Variants in CDKL3 observed in about 807,000 individuals in gnomAD.
CDKL3 encodes the protein cyclin-dependent kinase-like 3.
A neutral mutation model predicts 69.3 loss-of-function variants in CDKL3; 65 were observed. The ratio of observed to expected loss-of-function variants is 0.94; its 90% CI spans 0.77 to 1.15. The LOEUF (loss-of-function observed/expected upper bound fraction) is 1.15, where lower values mean the gene tolerates loss of function less well. CDKL3 is among the 50% of genes most tolerant of loss of function. CDKL3 has a pLI of 0.00. For missense variants in CDKL3, 652 were observed against 689.2 expected (o/e 0.95, Z 0.61); for synonymous variants, 202 against 221.6 (o/e 0.91, Z 0.79).
At chr5:134,326,109 G>A (rs1157513349) in intron 4 of CDKL3, among the ~76,000 whole-genome samples, 1 of 151,910 alleles carries the variant, frequency 6.6e-6, no homozygotes, top group Non-Finnish European at 1.5e-5. Context: ...TCCACAGAAT[G>A]CAATTTCTAT....
chr5:134,311,522 C>G (rs962236290), intron 7 of CDKL3, among the ~76,000 whole-genome samples: 3 of 150,954 alleles, frequency 2.0e-5, no homozygotes, highest in Non-Finnish European at 4.4e-5. Flanking sequence ...AAAAAGACAA[C>G]AAGCACTGCA....
rs1312304536 is a variant in CDKL3 at position 134,350,331 on chromosome 5, G to A, written c.457C>T (p.Pro153Ser). 6.3e-7 allele frequency: 1 copy of A among 1,593,952 alleles called. No homozygotes were observed. Among genetic ancestry groups the A allele is most frequent in the Non-Finnish European group, 8.5e-7 (1 of 1,169,794 alleles). ...DFGFARTLAAPGDIYTDYVAT... is the reference protein window; with the variant it reads ...DFGFARTLAASGDIYTDYVAT... ...ACATAGTCCGTATAAATGTCCCCAG[G>A]AGCTGCTAGTGTTCGTGCAAAACCA... is the stretch of plus-strand genomic sequence containing the variant. Residue 153 changes from proline (P) to serine (S), a missense_variant, in exon 4 of 13, where the codon CCT (proline) becomes TCT (serine). Transcript: ENST00000265334.
At chr5:134,297,584 T>C (rs1445670994), downstream of CDKL3, among the ~76,000 whole-genome samples, 1 of 151,892 alleles carries the variant, frequency 6.6e-6, no homozygotes, top group Non-Finnish European at 1.5e-5. Flanking sequence ...CTTTTTTTCT[T>C]TCTTTTTTTT....
At chr5:134,287,903 T>TC in intron 8 of CDKL3, among the ~76,000 whole-genome samples, 1 of 151,496 alleles carries the variant, frequency 6.6e-6, no homozygotes. Flanking sequence ...TACTTTTTTT[T>TC]TTTTTTTTGA....
At chr5:134,333,075 T>C (rs2149528663) in intron 4 of CDKL3, among the ~76,000 whole-genome samples, 1 of 152,374 alleles carries the variant, frequency 6.6e-6, no homozygotes, top group East Asian at 1.9e-4. Context: ...GGGAGTTCAC[T>C]CATGATTTGG....
chr5:134,371,538 T>TG (rs1446533598), upstream of CDKL3: 397 of 1,212,582 alleles, frequency 3.3e-4, no homozygotes, highest in African/African-American at 1.4e-3. Flanking sequence ...CGCCGGGGGG[T>TG]GGGGGGGCTG....
intron 4 of CDKL3, among the ~76,000 whole-genome samples, chr5:134,345,829 A>G (rs1459925481): frequency 6.6e-6 from 1 of 152,194 alleles, no homozygotes; most frequent in African/African-American, 2.4e-5. Context: ...CACAGGGGAT[A>G]TGATGGCTTA....
At chr5:134,301,000 ATT>A (rs755292672) in intron 12 of CDKL3, among the ~76,000 whole-genome samples, 1 of 146,192 alleles carries the variant, frequency 6.8e-6, no homozygotes, top group Non-Finnish European at 1.5e-5. Context: ...CTATTAATGG[ATT>A]TTTTTTTTTT....
At chr5:134,369,082 C>A (rs545825468), upstream of CDKL3, among the ~76,000 whole-genome samples, 14 of 152,110 alleles carry the variant, frequency 9.2e-5, no homozygotes, top group Non-Finnish European at 1.8e-4. Flanking sequence ...TCCCTGCCCT[C>A]AATGAACTCA....
At chr5:134,324,721 CAGA>C (rs1773677868) in intron 4 of CDKL3, among the ~76,000 whole-genome samples, 1 of 152,138 alleles carries the variant, frequency 6.6e-6, no homozygotes, top group South Asian at 2.1e-4. Context: ...AAACGAAGCA[CAGA>C]AGATTTTTAG....
downstream of CDKL3, among the ~76,000 whole-genome samples, chr5:134,296,666 G>A (rs920207452): frequency 6.6e-5 from 10 of 152,030 alleles, no homozygotes; most frequent in East Asian, 1.9e-4. Context: ...GAATGTTTGC[G>A]TCAAGGCGTG....
At chr5:134,357,243 A>T (rs1036410885) in intron 3 of CDKL3, among the ~76,000 whole-genome samples, 2 of 151,982 alleles carry the variant, frequency 1.3e-5, no homozygotes, top group East Asian at 1.9e-4. Flanking sequence ...CAGGAGTTTG[A>T]TATCAGCCTG....
At chr5:134,326,825 A>ATATGTGTGTGTG (rs1554090743) in intron 4 of CDKL3, among the ~76,000 whole-genome samples, 4 of 104,184 alleles carry the variant, frequency 3.8e-5, no homozygotes, top group South Asian at 5.7e-4. Flanking sequence ...GTGTATATAT[A>ATATGTGTGTGTG]TATATATATA....
downstream of CDKL3, chr5:134,298,294 G>T (rs1023664184): frequency 7.8e-5 from 79 of 1,009,920 alleles, 1 homozygote; most frequent in Non-Finnish European, 8.9e-5. Flanking sequence ...AAAGAGGCCT[G>T]TGTGTTATAG....
upstream of CDKL3, among the ~76,000 whole-genome samples, chr5:134,368,745 G>A (rs776403313): frequency 9.9e-5 from 15 of 151,960 alleles, no homozygotes; most frequent in Admixed American, 9.2e-4. Context: ...TTTGTTGTGG[G>A]CTAAATATTT....
chr5:134,284,598 A>G (rs2149401952), downstream of CDKL3, among the ~76,000 whole-genome samples: 1 of 152,308 alleles, frequency 6.6e-6, no homozygotes, highest in East Asian at 1.9e-4. Flanking sequence ...TCCTAATCCT[A>G]GCAAGCCTGA....
chr5:134,358,636 A>G (rs975072405), intron 3 of CDKL3, among the ~76,000 whole-genome samples: 1 of 151,906 alleles, frequency 6.6e-6, no homozygotes, highest in Non-Finnish European at 1.5e-5. Context: ...TACTTACAGA[A>G]TCTTGCTCTG....
At chr5:134,304,812 C>CAATAATAATAAT (rs375747445) in intron 10 of CDKL3, among the ~76,000 whole-genome samples, 4 of 144,280 alleles carry the variant, frequency 2.8e-5, no homozygotes, top group African/African-American at 7.7e-5. Context: ...ATGAGAACCA[C>CAATAATAATAAT]AATAATAATA....
chr5:134,320,271 T>A (rs1698897464), intron 5 of CDKL3, among the ~76,000 whole-genome samples: 1 of 152,184 alleles, frequency 6.6e-6, no homozygotes, highest in African/African-American at 2.4e-5. Context: ...TTTATGCATA[T>A]CTTCCCCACC....
Sources: gnomAD v4.1 joint callset for allele counts (sites outside exome capture counted in the v4.1 genomes callset) on GRCh38, gnomAD v4.1.1 for gene constraint, MANE v1.5 for transcripts, NCBI Gene and HGNC (gene_info 2026-07-23, HGNC 2026-07-21) for gene names.